ASPRV1: variants seen among roughly 807,000 people sequenced by gnomAD.
The protein encoded by ASPRV1 is aspartic peptidase retroviral like 1.
A neutral mutation model predicts 11.0 loss-of-function variants in ASPRV1; 7 were observed. The ratio of observed to expected loss-of-function variants is 0.64; its 90% CI spans 0.36 to 1.20. The LOEUF (loss-of-function observed/expected upper bound fraction) is 1.20, where lower values mean the gene tolerates loss of function less well. Ranked by LOEUF, ASPRV1 falls within the 50% of genes most tolerant of loss-of-function variation. ASPRV1 has a pLI of 0.02. For missense variants in ASPRV1, 299 were observed against 320.0 expected, an observed-to-expected ratio of 0.93 and a Z score of 0.50; for synonymous variants, 136 against 138.4, an observed-to-expected ratio of 0.98 and a Z score of 0.12.
the ASPRV1 span, chr2:69,988,838 T>C: frequency 2.2e-6 from 1 of 456,236 alleles, no homozygotes; most frequent in South Asian, 1.5e-5. Context: ...TGCAGAAGAG[T>C]CTGGAGTAGG....
At chr2:70,058,403 C>T in the ASPRV1 span, among the ~76,000 whole-genome samples, 1 of 152,092 alleles carries the variant, frequency 6.6e-6, no homozygotes, top group Admixed American at 6.6e-5. Flanking sequence ...CCACTGCACT[C>T]AGTTAATTTT....
chr2:70,025,403 A>C, the ASPRV1 span, among the ~76,000 whole-genome samples: 1 of 152,070 alleles, frequency 6.6e-6, no homozygotes, highest in Admixed American at 6.6e-5. Flanking sequence ...AAAGGAAAAA[A>C]AGAGAGAGAA....
chr2:70,087,003 C>T, the ASPRV1 span: 2 of 151,270 alleles, frequency 1.3e-5, no homozygotes, highest in East Asian at 3.9e-4. Context: ...CGCCTCGCCG[C>T]CCCTCCCCCC....
chr2:70,030,956 G>A, the ASPRV1 span: 1 of 152,106 alleles, frequency 6.6e-6, no homozygotes, highest in Non-Finnish European at 1.5e-5. Flanking sequence ...GTGAAGGAGA[G>A]ACATTAATCA....
the ASPRV1 span, among the ~76,000 whole-genome samples, chr2:70,074,235 A>G: frequency 6.6e-6 from 1 of 150,674 alleles, no homozygotes; most frequent in Admixed American, 6.7e-5. Context: ...CTTACTTCCT[A>G]TGATCAATTA....
At chr2:69,984,284 C>G in the ASPRV1 span, among the ~76,000 whole-genome samples, 1 of 152,140 alleles carries the variant, frequency 6.6e-6, no homozygotes, top group Non-Finnish European at 1.5e-5. Flanking sequence ...GGTGATCCAC[C>G]TGCCTCAGCC....
the ASPRV1 span, among the ~76,000 whole-genome samples, chr2:70,068,906 T>C: frequency 5.6e-5 from 8 of 142,190 alleles, no homozygotes; most frequent in East Asian, 2.0e-4. Flanking sequence ...GATTGTGCCA[T>C]TGCACTCCAG....
At chr2:70,033,876 C>T in the ASPRV1 span, among the ~76,000 whole-genome samples, 3 of 152,084 alleles carry the variant, frequency 2.0e-5, no homozygotes, top group African/African-American at 2.4e-5. Flanking sequence ...CAATGCTGGC[C>T]GGGCGCGGTG....
At chr2:69,940,395 G>A in the ASPRV1 span, 1 of 152,464 alleles carries the variant, frequency 6.6e-6, no homozygotes, top group Non-Finnish European at 1.5e-5. Flanking sequence ...ACATCCAAGC[G>A]CCTCACAAGT....
the ASPRV1 span, chr2:70,077,328 G>A: frequency 6.6e-6 from 1 of 152,118 alleles, no homozygotes; most frequent in Non-Finnish European, 1.5e-5. Flanking sequence ...GAGTAGCTGG[G>A]AGTGGGGCTG....
chr2:70,064,767 G>A, the ASPRV1 span, among the ~76,000 whole-genome samples: 1 of 152,198 alleles, frequency 6.6e-6, no homozygotes, highest in African/African-American at 2.4e-5. Context: ...GTCAGACATT[G>A]TCCTAGGTGC....
the ASPRV1 span, among the ~76,000 whole-genome samples, chr2:70,072,172 A>G: frequency 6.6e-6 from 1 of 151,214 alleles, no homozygotes; most frequent in East Asian, 2.0e-4. Flanking sequence ...GTCTGGTCTC[A>G]AACTCCTGGC....
At chr2:69,937,883 G>A in the ASPRV1 span, among the ~76,000 whole-genome samples, 3 of 152,142 alleles carry the variant, frequency 2.0e-5, no homozygotes, top group African/African-American at 7.2e-5. Flanking sequence ...CAAAGTGCTG[G>A]GATTACAGGC....
chr2:70,000,830 A>G, the ASPRV1 span, among the ~76,000 whole-genome samples: 1 of 151,248 alleles, frequency 6.6e-6, no homozygotes, highest in South Asian at 2.1e-4. Flanking sequence ...AAGAAAAAGA[A>G]AAGAAAACTA....
chr2:70,029,442 C>T, the ASPRV1 span, among the ~76,000 whole-genome samples: 23,113 of 151,970 alleles, frequency 0.15, 2,726 homozygotes, highest in East Asian at 0.3. Flanking sequence ...AGATTGAGAC[C>T]ATTCTGGCCA....
chr2:69,951,483 GTATATC>G, the ASPRV1 span, among the ~76,000 whole-genome samples: 1 of 86,902 alleles, frequency 1.2e-5, no homozygotes, highest in South Asian at 4.3e-4. Flanking sequence ...GTGTGTGTGT[GTATATC>G]TATATGTATA....
chr2:69,995,119 C>T, the ASPRV1 span, among the ~76,000 whole-genome samples: 2 of 151,952 alleles, frequency 1.3e-5, no homozygotes, highest in African/African-American at 2.4e-5. Flanking sequence ...GGTGCAGTGG[C>T]TCACACCTGT....
chr2:69,987,586 A>C, the ASPRV1 span, among the ~76,000 whole-genome samples: 2 of 149,158 alleles, frequency 1.3e-5, no homozygotes, highest in Non-Finnish European at 3.0e-5. Context: ...TCTCTACAAA[A>C]AAAAAAAAAA....
chr2:70,079,954 T>C, the ASPRV1 span, among the ~76,000 whole-genome samples: 1 of 152,222 alleles, frequency 6.6e-6, no homozygotes, highest in South Asian at 2.1e-4. Flanking sequence ...AAATGCTTTG[T>C]CTGGTTGAAG....
Sources: gnomAD v4.1 joint callset for allele counts (sites outside exome capture counted in the v4.1 genomes callset) on GRCh38, gnomAD v4.1.1 for gene constraint, MANE v1.5 for transcripts, NCBI Gene and HGNC (gene_info 2026-07-23, HGNC 2026-07-21) for gene names.